UMAD1: variants seen among roughly 807,000 people sequenced by gnomAD.
UMAD1 encodes UBAP1-MVB12-associated (UMA) domain containing 1.
A neutral mutation model predicts 6.1 loss-of-function variants in UMAD1; 8 were observed. The ratio of observed to expected loss-of-function variants is 1.30; its 90% confidence interval spans 0.76 to 2.35. The LOEUF is 2.35. UMAD1 is among the 30% of genes most tolerant of loss of function. The probability of loss-of-function intolerance (pLI) is 0.00; values close to 1 mark genes in which losing one functional copy is unlikely to be tolerated. For missense variants in UMAD1, 130 were observed against 78.4 expected, an observed-to-expected ratio of 1.66 and a Z score of -2.49; for synonymous variants, 56 against 31.4, an observed-to-expected ratio of 1.78 and a Z score of -2.61.
In UMAD1 at chr7:7,790,036, T is replaced by C. The variant is rs938176749; in HGVS notation, c.83-11634T>C. Reference sequence around the variant, plus strand: ...CGTATTAGAATGTGGGCGGAATTGATGAAGGGAAGGAGGCGATAGTGACTG... The same window carrying C: ...CGTATTAGAATGTGGGCGGAATTGACGAAGGGAAGGAGGCGATAGTGACTG... On this transcript the variant is annotated intron_variant, in intron 2 of 3. Coordinates refer to ENST00000682710, the MANE Select transcript of UMAD1 (RefSeq NM_001302348.2). 2.0e-5 allele frequency among the ~76,000 whole-genome samples: 3 copies of C among 152,202 alleles called. No homozygotes were observed. In the South Asian group the frequency reaches 6.2e-4, roughly 32 times the overall value.
chr7:7,739,711 C>G (rs1781426030), intron 2 of UMAD1, among the ~76,000 whole-genome samples: 1 of 152,106 alleles, frequency 6.6e-6, no homozygotes, highest in Non-Finnish European at 1.5e-5. Context: ...AAAATGGAAA[C>G]TGTAAGTTTA....
At chr7:7,700,972 C>T (rs796626138) in intron 2 of UMAD1, among the ~76,000 whole-genome samples, 11 of 152,266 alleles carry the variant, frequency 7.2e-5, no homozygotes, top group African/African-American at 2.4e-4. Flanking sequence ...ATTGCTTGAG[C>T]CCAGGAGTTT....
chr7:7,769,398 T>C (rs1466859140), intron 2 of UMAD1, among the ~76,000 whole-genome samples: 1 of 152,228 alleles, frequency 6.6e-6, no homozygotes. Flanking sequence ...TGAGGAATGA[T>C]ATACAAGTTT....
Position 7,879,082 on chromosome 7 carries a change from A to C in UMAD1, c.*1544A>C, listed in dbSNP as rs1042280218. 6.6e-6 allele frequency: 1 copy of C among 152,224 alleles called. No individual in the cohort carries two copies. The highest frequency in any genetic ancestry group is 2.4e-5 in the African/African-American group (1 of 41,472). The allele number at this position is 152,224 out of a possible 1,614,324, so 9.4% of individuals were successfully genotyped here. ...TCTAATTTTGTGTGAAATTTTGTCG[A>C]AAATACCTAAACATTTCATCTATAT... On this transcript the variant is annotated 3_prime_UTR_variant, in exon 4 of 4. Transcript: ENST00000682710.
intron 1 of UMAD1, among the ~76,000 whole-genome samples, chr7:7,644,581 A>T (rs1268637126): frequency 6.6e-6 from 1 of 152,046 alleles, no homozygotes; most frequent in African/African-American, 2.4e-5. Context: ...TAAGTCTCCA[A>T]TCTCTGTTTT....
chr7:7,877,833 T>C lies in UMAD1; in HGVS notation c.*295T>C, dbSNP rs2115348196. 3 of 307,668 alleles carry C rather than the reference T, an allele frequency of 9.8e-6. No homozygotes were observed. In the East Asian group the frequency reaches 2.1e-4, roughly 21 times the overall value. 19.1% of individuals were successfully genotyped at this position (307,668 alleles called of 1,614,324 possible). ...CTCTCAAAATATAACACCTCAAATT[T>C]ATCTTAGAAGAACTGTGAAAAAGAA... On this transcript the variant is annotated 3_prime_UTR_variant, in exon 4 of 4. Transcript: ENST00000682710.
At position 7,835,462 on chromosome 7, in the gene UMAD1, C is replaced by CTTTTTTTTTTT. The variant is rs150411259; in HGVS notation, c.156+33747_156+33757dup. Among the ~76,000 whole-genome samples, 8 of 33,682 alleles carry CTTTTTTTTTTT rather than the reference C, an allele frequency of 2.4e-4. 3 individuals carry two copies. Among genetic ancestry groups the CTTTTTTTTTTT allele is most frequent in the Non-Finnish European group, 3.4e-4 (6 of 17,670 alleles). 22.1% of individuals were successfully genotyped at this position (33,682 alleles called of 152,430 possible). A position where few individuals can be genotyped will look rare whatever the true frequency, so the allele number is the denominator to read the frequency against. The stretch of plus-strand genomic sequence containing the variant: ...CATTCATTCACTCATTGAAACAGCA[C>CTTTTTTTTTTT]TTTTTTTTTTTTTTTTTTTTTTTTT... On this transcript the variant is annotated intron_variant, in intron 3 of 3. Transcript: ENST00000682710.
chr7:7,701,532 G>A (rs2115154673), intron 2 of UMAD1, among the ~76,000 whole-genome samples: 1 of 152,272 alleles, frequency 6.6e-6, no homozygotes, highest in Non-Finnish European at 1.5e-5. Context: ...GTGAAGATGA[G>A]AGATGTATGA....
At chr7:7,673,863 T>C (rs1334695154) in intron 2 of UMAD1, among the ~76,000 whole-genome samples, 1 of 152,210 alleles carries the variant, frequency 6.6e-6, no homozygotes, top group Non-Finnish European at 1.5e-5. Context: ...AAGTAGACTT[T>C]AAAATCTAAA....
chr7:7,788,497 T>A (rs914965376), intron 2 of UMAD1, among the ~76,000 whole-genome samples: 1 of 152,218 alleles, frequency 6.6e-6, no homozygotes, highest in Admixed American at 6.5e-5. Context: ...TTTATACCTT[T>A]CTATATTTCT....
intron 3 of UMAD1, among the ~76,000 whole-genome samples, chr7:7,821,781 C>G (rs750379340): frequency 2.0e-5 from 3 of 152,160 alleles, no homozygotes; most frequent in African/African-American, 4.8e-5. Flanking sequence ...TCTCTCCTTT[C>G]TGCCTCTTCC....
chr7:7,792,988 C>G (rs1366496561), intron 2 of UMAD1, among the ~76,000 whole-genome samples: 1 of 152,182 alleles, frequency 6.6e-6, no homozygotes, highest in Non-Finnish European at 1.5e-5. Context: ...CCTCTTACTA[C>G]CAACACACTG....
At chr7:7,752,255 T>C (rs927484002) in intron 2 of UMAD1, among the ~76,000 whole-genome samples, 7 of 152,238 alleles carry the variant, frequency 4.6e-5, no homozygotes, top group South Asian at 2.1e-4. Context: ...AAGTTTCTAA[T>C]AGAGATAATA....
chr7:7,770,283 T>C (rs967378947), intron 2 of UMAD1, among the ~76,000 whole-genome samples: 2 of 152,156 alleles, frequency 1.3e-5, no homozygotes, highest in African/African-American at 2.4e-5. Context: ...AGTGCATCTA[T>C]GAAGCCATCC....
At chr7:7,644,684 A>C (rs1785056612) in intron 1 of UMAD1, among the ~76,000 whole-genome samples, 1 of 152,112 alleles carries the variant, frequency 6.6e-6, no homozygotes, top group Non-Finnish European at 1.5e-5. Context: ...GTGTGGAGTC[A>C]ATTCTATTCT....
chr7:7,823,108 G>A (rs1783272262), intron 3 of UMAD1, among the ~76,000 whole-genome samples: 1 of 152,058 alleles, frequency 6.6e-6, no homozygotes. Flanking sequence ...AGATCCCAAT[G>A]TTGTTGGGAA....
At chr7:7,842,109 A>G (rs1019250364) in intron 3 of UMAD1, among the ~76,000 whole-genome samples, 2 of 152,206 alleles carry the variant, frequency 1.3e-5, no homozygotes, top group African/African-American at 2.4e-5. Context: ...TTATAAACCA[A>G]TCATTTTTGA....
chr7:7,795,909 T>A (rs767833321), intron 2 of UMAD1, among the ~76,000 whole-genome samples: 2 of 152,198 alleles, frequency 1.3e-5, no homozygotes, highest in Non-Finnish European at 2.9e-5. Context: ...TGTGACCTCA[T>A]ATCCCATCCT....
At chr7:7,769,282 C>T (rs1393585414) in intron 2 of UMAD1, among the ~76,000 whole-genome samples, 1 of 152,132 alleles carries the variant, frequency 6.6e-6, no homozygotes, top group Admixed American at 6.5e-5. Context: ...GTAGCTTTAA[C>T]TTCCATAAAA....
Sources: gnomAD v4.1 joint callset for allele counts (sites outside exome capture counted in the v4.1 genomes callset) on GRCh38, gnomAD v4.1.1 for gene constraint, MANE v1.5 for transcripts, NCBI Gene and HGNC (gene_info 2026-07-23, HGNC 2026-07-21) for gene names.